The following PRUNE2 variants were observed in gnomAD, a reference collection of about 807,000 sequenced individuals.
PRUNE2 encodes the protein protein prune homolog 2.
A neutral mutation model predicts 252.0 loss-of-function variants in PRUNE2; 164 were observed. The observed-to-expected ratio is 0.65, with a 90% CI of 0.57 to 0.74. The LOEUF (loss-of-function observed/expected upper bound fraction) is 0.74. Among genes scored for constraint, PRUNE2 ranks in the 30% least tolerant of loss-of-function variants. The pLI, the probability that PRUNE2 is intolerant of heterozygous loss-of-function variation, is 0.00. For missense variants in PRUNE2, 3,495 were observed against 3,711.0 expected (o/e 0.94, Z 1.51); for synonymous variants, 1,292 against 1,350.2 (o/e 0.96, Z 0.94).
chr9:76,706,207 A>C lies in PRUNE2; in HGVS notation c.6067T>G (p.Ser2023Ala). The C allele has an allele frequency of 6.2e-7, 1 of 1,613,942 alleles. No individual in the cohort carries two copies. The highest frequency in any genetic ancestry group is 1.1e-5 in the South Asian group (1 of 91,082). ...IATENFPAVS[S>A]PTQLIMKPGS... ...GGCTTCATTATCAGTTGGGTGGGAG[A>C]ACTGACAGCAGGAAAATTTTCTGTG... Residue 2023 changes from serine to alanine, a missense_variant, in exon 8 of 19, where the codon TCT (serine) becomes GCT (alanine). Transcript: ENST00000376718.
intron 3 of PRUNE2, 29 bp downstream of exon 3, chr9:76,850,434 A>C: frequency 6.3e-7 from 1 of 1,576,400 alleles, no homozygotes; most frequent in South Asian, 1.1e-5. Context: ...TTGAGGGATT[A>C]AACCTCAGAG....
chr9:76,738,877 T>C (rs961625291), intron 6 of PRUNE2: 1 of 152,218 alleles, frequency 6.6e-6, no homozygotes, highest in Non-Finnish European at 1.5e-5. Flanking sequence ...GAAATTACTT[T>C]GCTTTAGGAA....
intron 6 of PRUNE2, among the ~76,000 whole-genome samples, chr9:76,715,500 C>A (rs148045057): frequency 2.2e-4 from 33 of 152,264 alleles, no homozygotes; most frequent in African/African-American, 7.5e-4. Flanking sequence ...ATTGCACATA[C>A]GAATCCACAA....
chr9:76,865,028 T>C (rs1025114807), intron 1 of PRUNE2, among the ~76,000 whole-genome samples: 6 of 152,288 alleles, frequency 3.9e-5, no homozygotes, highest in Middle Eastern at 3.4e-3. Flanking sequence ...TTTCAGAGAA[T>C]TGCTGTTATG....
chr9:76,823,579 A>G, intron 6 of PRUNE2, 53 bp downstream of exon 6: 1 of 1,016,868 alleles, frequency 9.8e-7, no homozygotes, highest in Non-Finnish European at 1.6e-6. Context: ...CCAGTTGCTC[A>G]GACTGCAATT....
intron 9 of PRUNE2, among the ~76,000 whole-genome samples, chr9:76,702,536 C>T (rs940377708): frequency 1.3e-5 from 2 of 152,184 alleles, no homozygotes; most frequent in African/African-American, 2.4e-5. Flanking sequence ...GCAGTGATGA[C>T]ATCCTATTCC....
intron 9 of PRUNE2, among the ~76,000 whole-genome samples, chr9:76,659,226 T>C (rs1472155612): frequency 6.6e-6 from 1 of 152,260 alleles, no homozygotes; most frequent in Non-Finnish European, 1.5e-5. Flanking sequence ...CCATTCTTAC[T>C]ATATAGCTGG....
intron 12 of PRUNE2, among the ~76,000 whole-genome samples, chr9:76,643,216 A>G (rs1485983123): frequency 1.3e-5 from 2 of 152,228 alleles, no homozygotes; most frequent in Non-Finnish European, 2.9e-5. Context: ...AACTAGCCCT[A>G]GAAGAGCAGC....
intron 18 of PRUNE2, among the ~76,000 whole-genome samples, chr9:76,614,918 G>A (rs554804339): frequency 7.9e-5 from 12 of 152,302 alleles, no homozygotes; most frequent in African/African-American, 2.9e-4. Context: ...GAGCATTAGT[G>A]TATTCCAGAA....
chr9:76,654,869 G>C (rs920769993), intron 10 of PRUNE2, among the ~76,000 whole-genome samples: 1 of 152,086 alleles, frequency 6.6e-6, no homozygotes, highest in Admixed American at 6.5e-5. Flanking sequence ...TCAGGATCTT[G>C]GTATGATCCT....
At chr9:76,901,947 G>A (rs756449843) in intron 1 of PRUNE2, among the ~76,000 whole-genome samples, 8 of 152,016 alleles carry the variant, frequency 5.3e-5, no homozygotes, top group Non-Finnish European at 8.8e-5. Context: ...CCCCACCCCC[G>A]CCACCCAAGG....
At chr9:76,812,918 T>C (rs73653214) in intron 6 of PRUNE2, among the ~76,000 whole-genome samples, 2,597 of 152,280 alleles carry the variant, frequency 0.017, 84 homozygotes, top group African/African-American at 0.06. Context: ...ATTATAAAAA[T>C]TAAATTACAT....
intron 9 of PRUNE2, among the ~76,000 whole-genome samples, chr9:76,681,342 G>A (rs112819628): frequency 9.9e-5 from 15 of 151,754 alleles, no homozygotes; most frequent in African/African-American, 1.7e-4. Context: ...AAATGAAAAC[G>A]TTCTGGAGAT....
intron 9 of PRUNE2, among the ~76,000 whole-genome samples, chr9:76,688,885 C>T (rs963823858): frequency 2.0e-5 from 3 of 152,192 alleles, no homozygotes; most frequent in South Asian, 4.1e-4. Flanking sequence ...CAACTCCAAC[C>T]GATAGCTCTC....
chr9:76,705,454 A>C lies in PRUNE2; in HGVS notation c.6820T>G (p.Ser2274Ala). 1 of 1,613,982 alleles carries C rather than the reference A, an allele frequency of 6.2e-7. No individual in the cohort carries two copies. Among genetic ancestry groups the C allele is most frequent in the South Asian group, 1.1e-5 (1 of 91,074 alleles). ...GGAACCAAGGCAGGATTCTCTGTGG[A>C]TAAATGTGGATCACCATCAAACAAA... is the stretch of plus-strand genomic sequence containing the variant. The part of the protein sequence containing the change: ...RALFDGDPHL[S>A]TENPALVPDA... Residue 2274 changes from serine to alanine, a missense_variant, in exon 8 of 19, where the codon TCC becomes GCC. By Grantham distance (99) the Ser-to-Ala change is moderately conservative. Transcript: ENST00000376718.
chr9:76,765,948 C>T (rs1455922961), intron 6 of PRUNE2, among the ~76,000 whole-genome samples: 2 of 152,032 alleles, frequency 1.3e-5, no homozygotes, highest in African/African-American at 4.8e-5. Context: ...TTTGGGAGGC[C>T]AAGGCAGGCT....
rs1382474335 is a variant in PRUNE2 at position 76,614,615 on chromosome 9, AAAAG to A, written c.9237-19_9237-16del. The A allele has an allele frequency of 6.2e-7, 1 of 1,606,634 alleles. No homozygotes were observed. The highest frequency in any genetic ancestry group is 1.1e-5 in the South Asian group (1 of 90,630). On this transcript the variant is annotated splice_polypyrimidine_tract_variant and intron_variant, in intron 18 of 18. Coordinates refer to ENST00000376718, the MANE Select transcript of PRUNE2 (RefSeq NM_015225.3). ...TCAAGTCAATACTGCAAAGAAAAGA[AAAAG>A]AGAGAGAAACATGAGAAACCAAATG...
chr9:76,781,235 C>G, intron 6 of PRUNE2, among the ~76,000 whole-genome samples: 1 of 152,228 alleles, frequency 6.6e-6, no homozygotes, highest in Non-Finnish European at 1.5e-5. Flanking sequence ...CATCCCTATC[C>G]TTTTTATAAT....
chr9:76,735,338 C>T (rs2048980436), intron 6 of PRUNE2, among the ~76,000 whole-genome samples: 1 of 151,922 alleles, frequency 6.6e-6, no homozygotes, highest in Non-Finnish European at 1.5e-5. Context: ...AAGAGAAAAG[C>T]TTTTCTTCCA....
Sources: allele counts gnomAD v4.1 joint callset (sites outside exome capture counted in the v4.1 genomes callset), GRCh38; gene constraint gnomAD v4.1.1; transcripts MANE v1.5; gene names NCBI Gene and HGNC (gene_info 2026-07-23, HGNC 2026-07-21).